Variants in TENM2 observed in about 807,000 individuals in gnomAD.
TENM2 encodes teneurin-2.
In TENM2, 52 loss-of-function variants were observed where a neutral mutation model predicts 245.2. The observed-to-expected ratio is 0.21, with a 90% CI of 0.17 to 0.27. The LOEUF (loss-of-function observed/expected upper bound fraction) is 0.27, where lower values mean the gene tolerates loss of function less well. TENM2 is among the 10% of genes least tolerant of loss of function. The pLI, the probability that TENM2 is intolerant of heterozygous loss-of-function variation, is 1.00. For synonymous variants in TENM2, 1,363 were observed against 1,438.9 expected, an observed-to-expected ratio of 0.95 and a Z score of 1.19; for missense variants, 3,046 against 3,666.8, an observed-to-expected ratio of 0.83 and a Z score of 4.37.
the TENM2 span, among the ~76,000 whole-genome samples, chr5:167,057,245 T>C: frequency 6.6e-6 from 1 of 152,206 alleles, no homozygotes; most frequent in Admixed American, 6.5e-5. Context: ...GCATGTTGTG[T>C]ACTTTTTCTG....
At chr5:167,119,887 C>A in the TENM2 span, among the ~76,000 whole-genome samples, 1 of 152,118 alleles carries the variant, frequency 6.6e-6, no homozygotes, top group Admixed American at 6.6e-5. Flanking sequence ...GGTAATGTGA[C>A]AAGAAATGTG....
intron 2 of TENM2, among the ~76,000 whole-genome samples, chr5:167,382,879 G>A (rs1761172836): frequency 6.6e-6 from 1 of 152,154 alleles, no homozygotes; most frequent in African/African-American, 2.4e-5. Flanking sequence ...AAGAAAATTG[G>A]TGTTTGAAAG....
At chr5:167,282,951 C>G (rs1434510493), upstream of TENM2, among the ~76,000 whole-genome samples, 1 of 152,082 alleles carries the variant, frequency 6.6e-6, no homozygotes, top group Non-Finnish European at 1.5e-5. Flanking sequence ...GTGAGAGACT[C>G]CAGAGTCCAG....
chr5:167,886,741 A>G (rs1774321296), intron 3 of TENM2, among the ~76,000 whole-genome samples: 1 of 152,246 alleles, frequency 6.6e-6, no homozygotes, highest in South Asian at 2.1e-4. Flanking sequence ...GATGAAAAGA[A>G]AACATTTACA....
chr5:168,189,745 T>A (rs559181628), intron 13 of TENM2, among the ~76,000 whole-genome samples: 1 of 152,270 alleles, frequency 6.6e-6, no homozygotes, highest in East Asian at 1.9e-4. Context: ...AGGGATTCCA[T>A]GCATTTTAGT....
At chr5:167,005,183 G>A in the TENM2 span, among the ~76,000 whole-genome samples, 4 of 152,092 alleles carry the variant, frequency 2.6e-5, no homozygotes, top group Non-Finnish European at 4.4e-5. Flanking sequence ...TTTCTTCGTG[G>A]TGTCTTTCAC....
chr5:167,260,970 T>C, the TENM2 span, among the ~76,000 whole-genome samples: 1 of 152,350 alleles, frequency 6.6e-6, no homozygotes, highest in South Asian at 2.1e-4. Flanking sequence ...AAGATCTCTA[T>C]GAGTTTGGTA....
At chr5:167,075,198 TAGAG>T in the TENM2 span, among the ~76,000 whole-genome samples, 1 of 149,198 alleles carries the variant, frequency 6.7e-6, no homozygotes, top group African/African-American at 2.5e-5. Context: ...ACTGCAGAGT[TAGAG>T]AGAGAGAGAG....
At chr5:167,201,246 T>C in the TENM2 span, among the ~76,000 whole-genome samples, 2 of 152,174 alleles carry the variant, frequency 1.3e-5, no homozygotes, top group African/African-American at 4.8e-5. Flanking sequence ...TGAATTTTGT[T>C]CCCAATAACA....
At chr5:167,277,914 G>A in the TENM2 span, among the ~76,000 whole-genome samples, 1 of 151,988 alleles carries the variant, frequency 6.6e-6, no homozygotes, top group East Asian at 1.9e-4. Flanking sequence ...TCCAATATTA[G>A]TATAGTCATT....
At chr5:167,461,451 G>A (rs997726983) in intron 2 of TENM2, among the ~76,000 whole-genome samples, 1 of 152,130 alleles carries the variant, frequency 6.6e-6, no homozygotes, top group African/African-American at 2.4e-5. Flanking sequence ...TGACTTTGAA[G>A]ACTCACAGCA....
intron 27 of TENM2, among the ~76,000 whole-genome samples, 160 bp from the exon 30 acceptor site, chr5:168,260,123 A>T (rs1400044792): frequency 1.3e-5 from 2 of 152,198 alleles, no homozygotes; most frequent in African/African-American, 2.4e-5. Flanking sequence ...CATGTATGGA[A>T]GCCCTGGGTC....
chr5:166,995,183 G>GA, the TENM2 span, among the ~76,000 whole-genome samples: 7 of 151,724 alleles, frequency 4.6e-5, no homozygotes, highest in Non-Finnish European at 1.0e-4. Flanking sequence ...CAGGAACATA[G>GA]AAAAAAATGT....
chr5:167,931,294 G>T (rs1488634768), intron 3 of TENM2, among the ~76,000 whole-genome samples: 3 of 152,146 alleles, frequency 2.0e-5, no homozygotes, highest in African/African-American at 7.2e-5. Context: ...CATCAGAAAT[G>T]GAGCTACTGT....
chr5:167,421,462 G>A (rs969594344), intron 2 of TENM2, among the ~76,000 whole-genome samples: 3 of 152,162 alleles, frequency 2.0e-5, no homozygotes, highest in African/African-American at 7.2e-5. Flanking sequence ...TTGTCCCTGA[G>A]GTGTTTAAAG....
At chr5:167,532,987 T>A (rs1771617060) in intron 2 of TENM2, among the ~76,000 whole-genome samples, 1 of 152,076 alleles carries the variant, frequency 6.6e-6, no homozygotes, top group Non-Finnish European at 1.5e-5. Flanking sequence ...AACTAGAATG[T>A]GATATGAGAT....
intron 5 of TENM2, among the ~76,000 whole-genome samples, chr5:168,027,215 A>T (rs1009800414): frequency 6.6e-6 from 1 of 152,024 alleles, no homozygotes; most frequent in African/African-American, 2.4e-5. Context: ...GGTACTGATC[A>T]TGGGGCTGTG....
intron 2 of TENM2, among the ~76,000 whole-genome samples, chr5:167,452,932 TATA>T (rs1432170289): frequency 5.7e-4 from 8 of 14,074 alleles, no homozygotes; most frequent in South Asian, 2.5e-3. Context: ...AAGTATGATT[TATA>T]TATATATATA....
At chr5:168,190,936 A>G (rs149535237) in intron 14 of TENM2, 218 of 163,062 alleles carry the variant, frequency 1.3e-3, no homozygotes, top group African/African-American at 4.9e-3. Context: ...AGTGTTTTTG[A>G]AAGCTGTTAT....
Sources: gnomAD v4.1 joint callset for allele counts (sites outside exome capture counted in the v4.1 genomes callset) on GRCh38, gnomAD v4.1.1 for gene constraint, MANE v1.5 for transcripts, NCBI Gene and HGNC (gene_info 2026-07-23, HGNC 2026-07-21) for gene names.